Variants in FBRSL1 observed in about 807,000 individuals in gnomAD.
FBRSL1 encodes the protein fibrosin-1-like protein.
In FBRSL1, 51 loss-of-function variants were observed where a neutral mutation model predicts 89.6. The observed-to-expected ratio is 0.57, with a 90% confidence interval of 0.45 to 0.72. The LOEUF (loss-of-function observed/expected upper bound fraction) is 0.72. Among genes scored for constraint, FBRSL1 ranks in the 30% least tolerant of loss-of-function variants. The pLI, the probability that FBRSL1 is intolerant of heterozygous loss-of-function variation, is 0.00. For synonymous variants in FBRSL1, 779 were observed against 681.1 expected (o/e 1.14, Z -2.24); for missense variants, 1,618 against 1,451.8 (o/e 1.11, Z -1.86).
chr12:132,539,173 C>T (rs189322240), intron 4 of FBRSL1, among the ~76,000 whole-genome samples: 15 of 152,234 alleles, frequency 9.9e-5, no homozygotes, highest in Non-Finnish European at 1.9e-4. Flanking sequence ...CAGCTCTTTC[C>T]AGGCGCCTGC....
intron 5 of FBRSL1, among the ~76,000 whole-genome samples, chr12:132,549,917 G>A (rs2038005886): frequency 6.6e-6 from 1 of 152,248 alleles, no homozygotes; most frequent in Admixed American, 6.5e-5. Flanking sequence ...GGGGTCAGGT[G>A]GAGTCTGCAC....
Position 132,535,857 on chromosome 12 carries a change from CGT to C in FBRSL1, c.615+7874_615+7875del, listed in dbSNP as rs139569737. On this transcript the variant is annotated intron_variant, in intron 4 of 18. Coordinates refer to ENST00000680143, the MANE Select transcript of FBRSL1 (RefSeq NM_001367871.1). ...CACGTGTCCATGGTGTGTGAGTGCACGTGTGTCCATGATGGTGTGAGTGCACG... is the reference window on the plus strand; with the variant it reads ...CACGTGTCCATGGTGTGTGAGTGCACGTGTCCATGATGGTGTGAGTGCACG... Among the ~76,000 whole-genome samples the C allele has an allele frequency of 7.6e-5, 11 of 144,822 alleles. 1 individual carries two copies. Among genetic ancestry groups the C allele is most frequent in the Non-Finnish European group, 1.6e-4 (11 of 66,976 alleles).
chr12:132,562,675 G>A (rs995130414), intron 5 of FBRSL1, among the ~76,000 whole-genome samples: 8 of 135,468 alleles, frequency 5.9e-5, no homozygotes, highest in African/African-American at 2.2e-4. Context: ...ACGAACGTGC[G>A]GGGCCCAACC....
At chr12:132,522,688 A>G (rs2035462292) in intron 2 of FBRSL1, among the ~76,000 whole-genome samples, 1 of 152,180 alleles carries the variant, frequency 6.6e-6, no homozygotes. Flanking sequence ...ACCTGCTGAC[A>G]TAACTGGACA....
chr12:132,509,929 G>A (rs2034139612), intron 2 of FBRSL1: 11 of 1,231,270 alleles, frequency 8.9e-6, no homozygotes, highest in Non-Finnish European at 1.1e-5. Context: ...CTAGCCCCGT[G>A]TCAGTACGGC....
chr12:132,518,384 C>CCATCCACCCATCTGTCCAT (rs2035036587), intron 2 of FBRSL1, among the ~76,000 whole-genome samples: 1 of 151,562 alleles, frequency 6.6e-6, no homozygotes, highest in Admixed American at 6.6e-5. Flanking sequence ...TCTCATCCAT[C>CCATCCACCCATCTGTCCAT]CATCCACCTG....
At chr12:132,531,678 GGCGTTGTGTGTTGT>G (rs2036301742) in intron 4 of FBRSL1, among the ~76,000 whole-genome samples, 1 of 152,182 alleles carries the variant, frequency 6.6e-6, no homozygotes, top group Non-Finnish European at 1.5e-5. Context: ...TTGTGCACGT[GGCGTTGTGTGTTGT>G]GCACGTGGCG....
intron 1 of FBRSL1, among the ~76,000 whole-genome samples, chr12:132,496,198 G>A (rs1343524764): frequency 6.6e-6 from 1 of 152,372 alleles, no homozygotes; most frequent in South Asian, 2.1e-4. Flanking sequence ...TCCTGCAGCA[G>A]GGAGTCAGAC....
At chr12:132,538,194 G>C (rs2036924866) in intron 4 of FBRSL1, among the ~76,000 whole-genome samples, 1 of 152,186 alleles carries the variant, frequency 6.6e-6, no homozygotes, top group South Asian at 2.1e-4. Flanking sequence ...GGCCTGGGAG[G>C]GTGTGTTCTC....
At chr12:132,545,069 G>A (rs1466407244) in intron 4 of FBRSL1, among the ~76,000 whole-genome samples, 1 of 151,380 alleles carries the variant, frequency 6.6e-6, no homozygotes, top group Non-Finnish European at 1.5e-5. Context: ...CGCCCAGCAT[G>A]GGGCCGTGCG....
intron 1 of FBRSL1, among the ~76,000 whole-genome samples, chr12:132,496,198 G>C (rs1343524764): frequency 6.6e-6 from 1 of 152,254 alleles, no homozygotes; most frequent in Non-Finnish European, 1.5e-5. Flanking sequence ...TCCTGCAGCA[G>C]GGAGTCAGAC....
At chr12:132,503,425 A>T (rs2033280526) in intron 1 of FBRSL1, among the ~76,000 whole-genome samples, 1 of 152,214 alleles carries the variant, frequency 6.6e-6, no homozygotes, top group Non-Finnish European at 1.5e-5. Flanking sequence ...CCATCAGAAA[A>T]AACCGGCCAA....
chr12:132,583,584 C>T lies in FBRSL1; in HGVS notation c.2815C>T (p.His939Tyr). ...HFPRLSPAAL[H>Y]NGLLARTPPA... Reference sequence around the variant, plus strand: ...CCCGCGCCTCTCGCCCGCCGCGCTGCACAATGGGCTCCTGGCGCGGACCCC... The same window carrying T: ...CCCGCGCCTCTCGCCCGCCGCGCTGTACAATGGGCTCCTGGCGCGGACCCC... The change falls in exon 19 of 19, where the codon CAC (histidine) becomes TAC (tyrosine). Residue 939 changes from histidine (H) to tyrosine (Y), a missense_variant. Transcript: ENST00000680143. 3 of 1,001,052 alleles carry T rather than the reference C, an allele frequency of 3.0e-6. No homozygotes were observed. The highest frequency in any genetic ancestry group is 3.6e-6 in the Non-Finnish European group (3 of 840,906). 62.0% of individuals were successfully genotyped at this position (1,001,052 alleles called of 1,614,324 possible).
intron 1 of FBRSL1, among the ~76,000 whole-genome samples, chr12:132,492,651 C>T (rs951041435): frequency 2.0e-5 from 3 of 152,264 alleles, no homozygotes; most frequent in South Asian, 2.1e-4. Flanking sequence ...GGCAGGGTCA[C>T]GTGCCCCCAG....
In FBRSL1 at chr12:132,583,121, G is replaced by T. The variant is rs929898462; in HGVS notation, c.2352G>T (p.Glu784Asp). Residue 784 changes from glutamate (E) to aspartate (D), a missense_variant, in exon 19 of 19, where the codon GAG becomes GAT. By Grantham distance (45) the Glu-to-Asp change is conservative. Coordinates refer to ENST00000680143, the MANE Select transcript of FBRSL1 (RefSeq NM_001367871.1). ...GCGAGGCCGAACCTCGGGTCAAGGAGAGCCGCTCCCCGGCCAAGGAGGAGG... is the reference window on the plus strand; with the variant it reads ...GCGAGGCCGAACCTCGGGTCAAGGATAGCCGCTCCCCGGCCAAGGAGGAGG... ...AEREAEPRVK[E>D]SRSPAKEEAA... is the part of the protein sequence containing the mutation. 2.1e-6 allele frequency: 3 copies of T among 1,460,302 alleles called. No individual in the cohort carries two copies. In the African/African-American group the frequency reaches 4.4e-5, roughly 22 times the overall value. The allele number at this position is 1,460,302 out of a possible 1,614,324, so 90.5% of individuals were successfully genotyped here. A position where few individuals can be genotyped will look rare whatever the true frequency, so the allele number is the denominator to read the frequency against.
chr12:132,525,599 G>A (rs2035722538), intron 2 of FBRSL1, 135 bp from the exon 3 acceptor site: 2 of 676,918 alleles, frequency 3.0e-6, no homozygotes, highest in South Asian at 1.8e-5. Context: ...ATCCCAAAGC[G>A]CCCAGCGGCT....
intron 2 of FBRSL1, among the ~76,000 whole-genome samples, chr12:132,514,530 C>T (rs1432241838): frequency 1.3e-5 from 2 of 152,198 alleles, no homozygotes; most frequent in African/African-American, 2.4e-5. Context: ...GGGGAGACCC[C>T]GAGGGGGAAG....
At chr12:132,577,112 C>T (rs1384775606) in intron 15 of FBRSL1, among the ~76,000 whole-genome samples, 181 bp downstream of exon 15, 1 of 152,040 alleles carries the variant, frequency 6.6e-6, no homozygotes, top group East Asian at 1.9e-4. Flanking sequence ...CCCCACCCCT[C>T]ACCTCTCTTC....
intron 4 of FBRSL1, among the ~76,000 whole-genome samples, chr12:132,538,122 G>A (rs1244788488): frequency 1.3e-5 from 2 of 152,224 alleles, no homozygotes; most frequent in Admixed American, 6.5e-5. Flanking sequence ...CCAGGGGCCG[G>A]TCCCTGGGGC....
Sources: gnomAD v4.1 joint callset for allele counts (sites outside exome capture counted in the v4.1 genomes callset) on GRCh38, gnomAD v4.1.1 for gene constraint, MANE v1.5 for transcripts, NCBI Gene and HGNC (gene_info 2026-07-23, HGNC 2026-07-21) for gene names.